Variants in ABCD3 observed in about 807,000 individuals in gnomAD.
The protein encoded by ABCD3 is ATP-binding cassette sub-family D member 3.
A neutral mutation model predicts 105.5 loss-of-function variants in ABCD3; 41 were observed. That is an observed-to-expected ratio of 0.39 (90% CI 0.30 to 0.50). ABCD3 has a LOEUF of 0.50. Ranked by LOEUF, ABCD3 falls within the 20% of genes least tolerant of loss-of-function variation. ABCD3 has a pLI of 0.84. For synonymous variants in ABCD3, 258 were observed against 269.0 expected (o/e 0.96, Z 0.40); for missense variants, 622 against 806.3 (o/e 0.77, Z 2.77).
intron 1 of ABCD3, among the ~76,000 whole-genome samples, chr1:94,425,553 A>G (rs1451772877): frequency 2.0e-5 from 3 of 152,230 alleles, no homozygotes; most frequent in Non-Finnish European, 1.5e-5. Context: ...TGCCAGAAGT[A>G]GGATTAATGA....
In ABCD3 at chr1:94,469,300, G is replaced by A. The variant is rs1027701802; in HGVS notation, c.335+1293G>A. 4.6e-5 allele frequency among the ~76,000 whole-genome samples: 7 copies of A among 151,622 alleles called. No homozygotes were observed. In the East Asian group the frequency reaches 5.8e-4, roughly 13 times the overall value. The stretch of plus-strand genomic sequence containing the variant: ...GAATTAGCTCTTTTACACTCCCTCC[G>A]TGCTCATCTTCTCAATGTTTTATAT... On this transcript the variant is annotated intron_variant, in intron 4 of 22. Transcript: ENST00000370214.
At chr1:94,516,983 A>G in intron 22 of ABCD3, 69 bp from the exon 23 acceptor site, 1 of 1,071,200 alleles carries the variant, frequency 9.3e-7, no homozygotes, top group Non-Finnish European at 1.5e-6. Flanking sequence ...TCTGTATTTT[A>G]CTTTTCATAA....
At chr1:94,450,500 C>G (rs1008731577) in intron 1 of ABCD3, among the ~76,000 whole-genome samples, 1 of 152,266 alleles carries the variant, frequency 6.6e-6, no homozygotes, top group Non-Finnish European at 1.5e-5. Flanking sequence ...AAACCACAAA[C>G]AATAGCATGA....
the ABCD3 span, among the ~76,000 whole-genome samples, chr1:94,395,382 C>A: frequency 1.3e-5 from 2 of 152,124 alleles, no homozygotes. Flanking sequence ...GAGGCCATTA[C>A]CATTTCTAAA....
the ABCD3 span, among the ~76,000 whole-genome samples, chr1:94,391,955 G>A: frequency 6.6e-6 from 1 of 152,142 alleles, no homozygotes; most frequent in Non-Finnish European, 1.5e-5. Context: ...CTGCCACACA[G>A]AAAACGGTGG....
At position 94,492,997 on chromosome 1, in the gene ABCD3, A is replaced by C. The variant is rs1055043048; in HGVS notation, c.1386+1750A>C. On this transcript the variant is annotated intron_variant, in intron 16 of 22. Coordinates refer to ENST00000370214, the MANE Select transcript of ABCD3 (RefSeq NM_002858.4). ...TTTTATAGTCTTAAAAATGTCCTAGAAGAAAACCTAGGCATTACCATTCAG... is the reference window on the plus strand; with the variant it reads ...TTTTATAGTCTTAAAAATGTCCTAGCAGAAAACCTAGGCATTACCATTCAG... Among the ~76,000 whole-genome samples, 4 of 152,086 alleles carry C rather than the reference A, an allele frequency of 2.6e-5. No individual in the cohort carries two copies. In the East Asian group the frequency reaches 7.7e-4, roughly 29 times the overall value.
chr1:94,496,649 ATTC>A (rs938410327), intron 16 of ABCD3, among the ~76,000 whole-genome samples: 1 of 106,674 alleles, frequency 9.4e-6, no homozygotes, highest in Non-Finnish European at 1.9e-5. Flanking sequence ...ATTTCCTACT[ATTC>A]TTCTTTCCTG....
At chr1:94,420,563 T>C (rs1659219977) in intron 1 of ABCD3, among the ~76,000 whole-genome samples, 1 of 152,212 alleles carries the variant, frequency 6.6e-6, no homozygotes, top group African/African-American at 2.4e-5. Context: ...ATCTCTATTT[T>C]ACACAGTATT....
the ABCD3 span, among the ~76,000 whole-genome samples, chr1:94,389,564 C>T: frequency 6.6e-6 from 1 of 152,220 alleles, no homozygotes; most frequent in African/African-American, 2.4e-5. Context: ...TCTAGTTAAT[C>T]CATAATCTAT....
chr1:94,406,769 T>C, the ABCD3 span: 1 of 153,356 alleles, frequency 6.5e-6, no homozygotes, highest in South Asian at 2.0e-4. Context: ...TGTTTATGAC[T>C]TAACTTTTCT....
At chr1:94,403,880 A>G in the ABCD3 span, among the ~76,000 whole-genome samples, 2 of 152,162 alleles carry the variant, frequency 1.3e-5, no homozygotes, top group African/African-American at 4.8e-5. Flanking sequence ...TTAGTGGTAA[A>G]TGGTGTTAAA....
At chr1:94,398,748 C>G in the ABCD3 span, among the ~76,000 whole-genome samples, 1 of 152,120 alleles carries the variant, frequency 6.6e-6, no homozygotes, top group East Asian at 1.9e-4. Context: ...CCTGTCTCTA[C>G]TAAAAATGCA....
chr1:94,478,283 A>G lies in ABCD3; in HGVS notation c.652A>G (p.Ile218Val), dbSNP rs1217509963. The G allele has an allele frequency of 6.2e-7, 1 of 1,602,114 alleles. No individual in the cohort carries two copies. Among genetic ancestry groups the G allele is most frequent in the African/African-American group, 1.3e-5 (1 of 74,624 alleles). Reference protein sequence around the residue: ...SKPFLDIVLYIFKLTSAIGAQ... With the variant: ...SKPFLDIVLYVFKLTSAIGAQ... Reference sequence around the variant, plus strand: ...GCCATTTTTAGACATAGTTTTGTATATCTTTAAGTTAACGAGTGCAATTGG... The same window carrying G: ...GCCATTTTTAGACATAGTTTTGTATGTCTTTAAGTTAACGAGTGCAATTGG... Residue 218 changes from isoleucine (I) to valine (V), a missense_variant, in exon 8 of 23, where the codon ATC becomes GTC. Physicochemically the swap from Ile to Val is conservative, Grantham distance 29. Around this residue, in one of 4 missense-constraint regions of ABCD3, gnomAD observed 245 missense variants for 356.4 expected, o/e 0.69. Transcript: ENST00000370214.
intron 3 of ABCD3, among the ~76,000 whole-genome samples, chr1:94,465,916 C>G (rs1352685281): frequency 2.0e-5 from 3 of 152,206 alleles, no homozygotes; most frequent in Non-Finnish European, 4.4e-5. Flanking sequence ...TTTTTGGTCA[C>G]TGGGATCTGC....
At chr1:94,440,973 T>G (rs1249163776) in intron 1 of ABCD3, among the ~76,000 whole-genome samples, 1 of 152,210 alleles carries the variant, frequency 6.6e-6, no homozygotes, top group African/African-American at 2.4e-5. Context: ...GATCTACATC[T>G]CATACCATAT....
chr1:94,509,300 G>A (rs1045461155), intron 21 of ABCD3, among the ~76,000 whole-genome samples: 45 of 152,198 alleles, frequency 3.0e-4, no homozygotes, highest in Middle Eastern at 6.8e-3. Flanking sequence ...ATTGATTTGC[G>A]TATATTGAAC....
chr1:94,402,262 A>AT, the ABCD3 span, among the ~76,000 whole-genome samples: 637 of 152,302 alleles, frequency 4.2e-3, 7 homozygotes, highest in African/African-American at 0.015. Context: ...AGTGTTCTTT[A>AT]ATATGTCTTT....
chr1:94,469,629 G>A (rs1296169595), intron 4 of ABCD3, among the ~76,000 whole-genome samples: 3 of 125,674 alleles, frequency 2.4e-5, no homozygotes, highest in East Asian at 2.4e-4. Flanking sequence ...TTCCACCCCC[G>A]CCCTATACGT....
chr1:94,386,364 C>T, the ABCD3 span, among the ~76,000 whole-genome samples: 1 of 152,206 alleles, frequency 6.6e-6, no homozygotes, highest in East Asian at 1.9e-4. Flanking sequence ...GTTTCAAAAA[C>T]ACATTCTCAC....
Sources: gnomAD v4.1 joint callset for allele counts (sites outside exome capture counted in the v4.1 genomes callset) on GRCh38, gnomAD v4.1.1 for gene constraint, gnomAD v4.1.1 regional missense constraint, MANE v1.5 for transcripts, NCBI Gene and HGNC (gene_info 2026-07-23, HGNC 2026-07-21) for gene names.